ORAI3: variants seen among roughly 807,000 people sequenced by gnomAD.
The protein encoded by ORAI3 is protein orai-3.
A neutral mutation model predicts 17.2 loss-of-function variants in ORAI3; 15 were observed. That is an observed-to-expected ratio of 0.87 (90% confidence interval 0.58 to 1.34). The LOEUF (loss-of-function observed/expected upper bound fraction) is 1.34. ORAI3 is among the 40% of genes most tolerant of loss of function. The pLI, the probability that ORAI3 is intolerant of heterozygous loss-of-function variation, is 0.00. For synonymous variants in ORAI3, 178 were observed against 172.4 expected (o/e 1.03, Z -0.25); for missense variants, 405 against 396.7 (o/e 1.02, Z -0.18).
rs968765031 is a variant in ORAI3 at position 30,954,853 on chromosome 16, C to G, written c.*1009C>G. 1 of 152,254 alleles carries G rather than the reference C, an allele frequency of 6.6e-6. No individual in the cohort carries two copies. The highest frequency in any genetic ancestry group is 1.5e-5 in the Non-Finnish European group (1 of 68,076). 9.4% of individuals were successfully genotyped at this position (152,254 alleles called of 1,614,324 possible). ...GTAAGGAGGTTTTAAGGGAGAAGGT[C>G]CAGTCCTTAGCCCTTGAAATACAAA... On this transcript the variant is annotated 3_prime_UTR_variant, in exon 2 of 2. Transcript: ENST00000318663.
rs2055908774 is a variant in ORAI3, at chr16:30,949,282, C to CA, written c.-8_-7insA. 7.2e-7 allele frequency: 1 copy of CA among 1,396,758 alleles called. No individual in the cohort carries two copies. The highest frequency in any genetic ancestry group is 1.5e-5 in the African/African-American group (1 of 65,574). The allele number at this position is 1,396,758 out of a possible 1,614,324, so 86.5% of individuals were successfully genotyped here. ...GTAGTGACCGCCTGGTGCCGCCCCC[C>CA]CCCCAGGATGAAGGGCGGCGAGGGG... On this transcript the variant is annotated 5_prime_UTR_variant, in exon 1 of 2. Coordinates refer to ENST00000318663, the MANE Select transcript of ORAI3 (RefSeq NM_152288.3).
chr16:30,952,098 TTTTC>T (rs1230552987), intron 1 of ORAI3, among the ~76,000 whole-genome samples: 4 of 151,120 alleles, frequency 2.6e-5, no homozygotes, highest in Non-Finnish European at 4.4e-5. Context: ...TCCTCTTTCT[TTTTC>T]TTTCTTTCTT....
At chr16:30,952,652 C>CT (rs548818329) in intron 1 of ORAI3, among the ~76,000 whole-genome samples, 60 of 151,834 alleles carry the variant, frequency 4.0e-4, no homozygotes, top group African/African-American at 1.4e-3. Flanking sequence ...TCATCCAGCC[C>CT]TTTTTTTTAT....
Position 30,954,170 on chromosome 16 carries a change from C to A in ORAI3, c.*326C>A. On this transcript the variant is annotated 3_prime_UTR_variant, in exon 2 of 2. Coordinates refer to ENST00000318663, the MANE Select transcript of ORAI3 (RefSeq NM_152288.3). ...TGGGACCTTCAGTGCTGACTTTAGC[C>A]ACCATTTCCATTCCTATACAGGATG... 1 of 702,254 alleles carries A rather than the reference C, an allele frequency of 1.4e-6. No homozygotes were observed. The highest frequency in any genetic ancestry group is 1.5e-5 in the South Asian group (1 of 67,536). The allele number at this position is 702,254 out of a possible 1,614,324, so 43.5% of individuals were successfully genotyped here.
intron 1 of ORAI3, among the ~76,000 whole-genome samples, chr16:30,951,591 TG>T (rs1257050474): frequency 6.6e-6 from 1 of 152,002 alleles, no homozygotes; most frequent in African/African-American, 2.4e-5. Context: ...TTGGGGGTGA[TG>T]GCTCACACCT....
In ORAI3 at chr16:30,949,387, G is replaced by A; in HGVS notation, c.98G>A (p.Arg33His). ...GCCACGTACCGGGAGTTCGTGCACCGCGGCTACCTGGACCTCATGGGGGCC... is the reference window on the plus strand; with the variant it reads ...GCCACGTACCGGGAGTTCGTGCACCACGGCTACCTGGACCTCATGGGGGCC... ...GSATYREFVH[R>H]GYLDLMGASQ... is the part of the protein sequence containing the mutation. The change falls in exon 1 of 2, where the codon CGC becomes CAC. Residue 33 changes from arginine to histidine, a missense_variant. By Grantham distance (29) the Arg-to-His change is conservative. Transcript: ENST00000318663. The A allele has an allele frequency of 1.3e-6, 2 of 1,584,744 alleles. No homozygotes were observed. The highest frequency in any genetic ancestry group is 1.7e-6 in the Non-Finnish European group (2 of 1,167,470).
In ORAI3 at chr16:30,954,831, A is replaced by T. The variant is rs1364031327; in HGVS notation, c.*987A>T. The T allele has an allele frequency of 6.6e-6, 1 of 152,316 alleles. No individual in the cohort carries two copies. 9.4% of individuals were successfully genotyped at this position (152,316 alleles called of 1,614,324 possible). A position where few individuals can be genotyped will look rare whatever the true frequency, so the allele number is the denominator to read the frequency against. ...CTGAGTCCTTAGCAAGGGTTGGGTA[A>T]GGAGGTTTTAAGGGAGAAGGTCCAG... is the stretch of plus-strand genomic sequence containing the variant. On this transcript the variant is annotated 3_prime_UTR_variant, in exon 2 of 2. Transcript: ENST00000318663.
chr16:30,949,770 A>C, intron 1 of ORAI3: 2 of 468,778 alleles, frequency 4.3e-6, no homozygotes, highest in Non-Finnish European at 7.6e-6. Flanking sequence ...GGGTGAACAA[A>C]TCGCTGGTGG....
In ORAI3 at chr16:30,954,151, C is replaced by G. The variant is rs994954407; in HGVS notation, c.*307C>G. 18 of 702,412 alleles carry G rather than the reference C, an allele frequency of 2.6e-5. No homozygotes were observed. Among genetic ancestry groups the G allele is most frequent in the Non-Finnish European group, 7.8e-6 (3 of 384,992 alleles). 43.5% of individuals were successfully genotyped at this position (702,412 alleles called of 1,614,324 possible). A position where few individuals can be genotyped will look rare whatever the true frequency, so the allele number is the denominator to read the frequency against. The stretch of plus-strand genomic sequence containing the variant: ...GGGAGGCAGGGAGAGCTTGTGGGAC[C>G]TTCAGTGCTGACTTTAGCCACCATT... On this transcript the variant is annotated 3_prime_UTR_variant, in exon 2 of 2. Transcript: ENST00000318663.
chr16:30,949,207 C>T lies in ORAI3; in HGVS notation c.-83C>T, dbSNP rs2055907467. The stretch of plus-strand genomic sequence containing the variant: ...CTCGTCCTGTCTGGGAATGGGGCCG[C>T]CCCCGGGCTTGGGCCGGCCCGGCTG... On this transcript the variant is annotated 5_prime_UTR_variant, in exon 1 of 2. Transcript: ENST00000318663. The T allele has an allele frequency of 4.0e-6, 4 of 992,232 alleles. No homozygotes were observed. The South Asian group carries it at 6.3e-5, about 16-fold the overall frequency. The allele number at this position is 992,232 out of a possible 1,614,324, so 61.5% of individuals were successfully genotyped here. A position where few individuals can be genotyped will look rare whatever the true frequency, so the allele number is the denominator to read the frequency against.
intron 1 of ORAI3, among the ~76,000 whole-genome samples, chr16:30,950,471 T>C (rs773884447): frequency 1.7e-4 from 26 of 152,166 alleles, no homozygotes; most frequent in Non-Finnish European, 2.8e-4. Context: ...GCTCTGTTAG[T>C]CTGGGGTTGC....
intron 1 of ORAI3, among the ~76,000 whole-genome samples, chr16:30,950,292 G>C (rs900456643): frequency 2.0e-5 from 3 of 152,176 alleles, no homozygotes; most frequent in African/African-American, 7.2e-5. Flanking sequence ...TGAGATCATG[G>C]AGGGTGCGCC....
At position 30,954,102 on chromosome 16, in the gene ORAI3, T is replaced by TGAAG; in HGVS notation, c.*261_*264dup. The TGAAG allele has an allele frequency of 1.4e-6, 1 of 702,998 alleles. No individual in the cohort carries two copies. Among genetic ancestry groups the TGAAG allele is most frequent in the Non-Finnish European group, 2.6e-6 (1 of 385,340 alleles). 43.5% of individuals were successfully genotyped at this position (702,998 alleles called of 1,614,324 possible). ...ACTCTGCACCTGGGCTGGCCTCAGT[T>TGAAG]GAAGGATCATGCAGTAGATAGAGGG... is the stretch of plus-strand genomic sequence containing the variant. On this transcript the variant is annotated 3_prime_UTR_variant, in exon 2 of 2. Coordinates refer to ENST00000318663, the MANE Select transcript of ORAI3 (RefSeq NM_152288.3).
At position 30,953,942 on chromosome 16, in the gene ORAI3, T is replaced by A; in HGVS notation, c.*98T>A. The stretch of plus-strand genomic sequence containing the variant: ...AGACCTCATCCCCCCATCCCCTGGC[T>A]GGAGCCACTTCCAGTGGCCACTCTC... On this transcript the variant is annotated 3_prime_UTR_variant, in exon 2 of 2. Transcript: ENST00000318663. 7.4e-7 allele frequency: 1 copy of A among 1,347,406 alleles called. No individual in the cohort carries two copies. Among genetic ancestry groups the A allele is most frequent in the Non-Finnish European group, 1.0e-6 (1 of 972,938 alleles). The allele number at this position is 1,347,406 out of a possible 1,614,324, so 83.5% of individuals were successfully genotyped here.
intron 1 of ORAI3, among the ~76,000 whole-genome samples, chr16:30,950,032 A>G (rs2055916494): frequency 6.6e-6 from 1 of 152,132 alleles, no homozygotes; most frequent in Non-Finnish European, 1.5e-5. Flanking sequence ...ACAAGAGATC[A>G]TGCCCGGGAG....
intron 1 of ORAI3, among the ~76,000 whole-genome samples, chr16:30,951,988 T>C (rs945494134): frequency 1.3e-5 from 2 of 152,228 alleles, no homozygotes; most frequent in African/African-American, 2.4e-5. Flanking sequence ...CCTCAGACTT[T>C]AGCATTCACT....
chr16:30,949,224 G>C lies in ORAI3; in HGVS notation c.-66G>C. The C allele has an allele frequency of 1.7e-6, 2 of 1,174,232 alleles. No homozygotes were observed. Among genetic ancestry groups the C allele is most frequent in the Non-Finnish European group, 2.2e-6 (2 of 896,594 alleles). 72.7% of individuals were successfully genotyped at this position (1,174,232 alleles called of 1,614,324 possible). Reference sequence around the variant, plus strand: ...TGGGGCCGCCCCCGGGCTTGGGCCGGCCCGGCTGGGGCCCCCGAGGCGCTT... The same window carrying C: ...TGGGGCCGCCCCCGGGCTTGGGCCGCCCCGGCTGGGGCCCCCGAGGCGCTT... On this transcript the variant is annotated 5_prime_UTR_variant, in exon 1 of 2. Coordinates refer to ENST00000318663, the MANE Select transcript of ORAI3 (RefSeq NM_152288.3).
chr16:30,949,281 C>G lies in ORAI3; in HGVS notation c.-9C>G, dbSNP rs550329332. ...CGTAGTGACCGCCTGGTGCCGCCCC[C>G]CCCCCAGGATGAAGGGCGGCGAGGG... is the stretch of plus-strand genomic sequence containing the variant. On this transcript the variant is annotated 5_prime_UTR_variant, in exon 1 of 2. Coordinates refer to ENST00000318663, the MANE Select transcript of ORAI3 (RefSeq NM_152288.3). The G allele has an allele frequency of 1.3e-5, 18 of 1,395,182 alleles. No homozygotes were observed. The highest frequency in any genetic ancestry group is 3.0e-5 in the East Asian group (1 of 33,346). The allele number at this position is 1,395,182 out of a possible 1,614,324, so 86.4% of individuals were successfully genotyped here.
Position 30,953,919 on chromosome 16 carries a change from A to T in ORAI3, c.*75A>T. 3 of 1,478,858 alleles carry T rather than the reference A, an allele frequency of 2.0e-6. No individual in the cohort carries two copies. Among genetic ancestry groups the T allele is most frequent in the Non-Finnish European group, 2.8e-6 (3 of 1,088,614 alleles). The allele number at this position is 1,478,858 out of a possible 1,614,324, so 91.6% of individuals were successfully genotyped here. On this transcript the variant is annotated 3_prime_UTR_variant, in exon 2 of 2. Coordinates refer to ENST00000318663, the MANE Select transcript of ORAI3 (RefSeq NM_152288.3). Reference sequence around the variant, plus strand: ...TGTAAGAGGCCGCAGGGGCCTACAGACCTCATCCCCCCATCCCCTGGCTGG... The same window carrying T: ...TGTAAGAGGCCGCAGGGGCCTACAGTCCTCATCCCCCCATCCCCTGGCTGG...
Sources: allele counts gnomAD v4.1 joint callset (sites outside exome capture counted in the v4.1 genomes callset), GRCh38; gene constraint gnomAD v4.1.1; transcripts MANE v1.5; gene names NCBI Gene and HGNC (gene_info 2026-07-23, HGNC 2026-07-21).